Variants in ZNF609 observed in about 807,000 individuals in gnomAD.
The protein encoded by ZNF609 is zinc finger protein 609.
A neutral mutation model predicts 109.5 loss-of-function variants in ZNF609; 11 were observed. The observed-to-expected ratio is 0.10, with a 90% CI of 0.06 to 0.17. ZNF609 has a LOEUF of 0.17. Among genes scored for constraint, ZNF609 ranks in the 10% least tolerant of loss-of-function variants. The pLI is 1.00. For synonymous variants in ZNF609, 646 were observed against 662.0 expected, an observed-to-expected ratio of 0.98 and a Z score of 0.37; for missense variants, 1,559 against 1,772.4, an observed-to-expected ratio of 0.88 and a Z score of 2.16.
At chr15:64,498,976 G>T (rs1424364654) in intron 1 of ZNF609, among the ~76,000 whole-genome samples, 1 of 152,120 alleles carries the variant, frequency 6.6e-6, no homozygotes, top group Non-Finnish European at 1.5e-5. Flanking sequence ...ATTGAGGAAG[G>T]GTTGCCAGCT....
chr15:64,623,142 G>A (rs1471423297), intron 3 of ZNF609, 90 bp downstream of exon 3: 4 of 1,307,436 alleles, frequency 3.1e-6, no homozygotes, highest in Non-Finnish European at 4.3e-6. Flanking sequence ...ATTACCAAGT[G>A]GTTATTAGAG....
At chr15:64,560,864 A>G (rs2140403092) in intron 2 of ZNF609, among the ~76,000 whole-genome samples, 1 of 152,350 alleles carries the variant, frequency 6.6e-6, no homozygotes, top group Middle Eastern at 3.4e-3. Context: ...GCTTTATACG[A>G]ACCTGTGAAC....
In ZNF609 at chr15:64,680,660, T is replaced by A; in HGVS notation, c.3960T>A (p.Thr1320=). 6.3e-7 allele frequency: 1 copy of A among 1,583,416 alleles called. No individual in the cohort carries two copies. Among genetic ancestry groups the A allele is most frequent in the Non-Finnish European group, 8.6e-7 (1 of 1,160,676 alleles). The stretch of plus-strand genomic sequence containing the variant: ...TTCCTTTCCAGATAAGTGATAAAAC[T>A]TCTCAGGAGAGAGATCGAGGAGGCT... ...KSKSPTISDK[T]SQERDRGGCG... is the part of the protein sequence containing the mutation. Residue 1320 remains threonine, a synonymous_variant, in exon 8 of 10, where the codon ACT becomes ACA. Coordinates refer to ENST00000326648, the MANE Select transcript of ZNF609 (RefSeq NM_015042.2).
At position 64,499,895 on chromosome 15, in the gene ZNF609, A is replaced by G. The variant is rs1352809774; in HGVS notation, c.476A>G (p.Glu159Gly). 2 of 1,613,950 alleles carry G rather than the reference A, an allele frequency of 1.2e-6. No homozygotes were observed. Among genetic ancestry groups the G allele is most frequent in the Non-Finnish European group, 1.7e-6 (2 of 1,180,008 alleles). Residue 159 changes from glutamate (E) to glycine (G), a missense_variant, in exon 2 of 10, where the codon GAG becomes GGG. Physicochemically the swap from Glu to Gly is moderately conservative, Grantham distance 98. This residue lies in a region of ZNF609 where 291 missense variants were observed against 317.8 expected (regional missense o/e 0.92). Transcript: ENST00000326648. ...CGCAGTGTAGCCGGTTCCAAAAAGG[A>G]GAAGGAGAACAGCTCATCTAAGAGC... is the stretch of plus-strand genomic sequence containing the variant. ...ASRSVAGSKKEKENSSSKSKK... is the reference protein window; with the variant it reads ...ASRSVAGSKKGKENSSSKSKK...
At chr15:64,537,051 CG>C (rs2140376749) in intron 2 of ZNF609, among the ~76,000 whole-genome samples, 1 of 151,744 alleles carries the variant, frequency 6.6e-6, no homozygotes, top group South Asian at 2.1e-4. Flanking sequence ...GGCGAAACCC[CG>C]TCTCTACTAA....
At chr15:64,489,726 C>T (rs1363699862) in intron 1 of ZNF609, among the ~76,000 whole-genome samples, 1 of 151,546 alleles carries the variant, frequency 6.6e-6, no homozygotes, top group Non-Finnish European at 1.5e-5. Flanking sequence ...GACAGTTTCC[C>T]CATGTTGGCT....
chr15:64,553,110 GTCTA>G (rs1282690869), intron 2 of ZNF609, among the ~76,000 whole-genome samples: 1 of 152,068 alleles, frequency 6.6e-6, no homozygotes, highest in Admixed American at 6.6e-5. Context: ...TCTCTGATTT[GTCTA>G]TCTTAGTTGG....
rs746999020 is a variant in ZNF609 at position 64,517,787 on chromosome 15, ATAT to A, written c.747+17635_747+17637del. On this transcript the variant is annotated intron_variant, in intron 2 of 9. Transcript: ENST00000326648. Reference sequence around the variant, plus strand: ...ATATATAAATAAAAATTATACATATATATTATTATTATTATTTTTAGACACTCT... The same window carrying A: ...ATATATAAATAAAAATTATACATATATATTATTATTATTTTTAGACACTCT... Among the ~76,000 whole-genome samples, 172 of 151,038 alleles carry A rather than the reference ATAT, an allele frequency of 1.1e-3. 1 individual carries two copies. The highest frequency in any genetic ancestry group is 3.0e-3 in the African/African-American group (122 of 41,274).
chr15:64,656,908 C>T (rs1362899177), intron 3 of ZNF609, among the ~76,000 whole-genome samples: 2 of 152,114 alleles, frequency 1.3e-5, no homozygotes, highest in African/African-American at 2.4e-5. Context: ...CATTCAGTAG[C>T]CATATCTCTA....
chr15:64,472,611 T>C (rs941207105), intron 1 of ZNF609, among the ~76,000 whole-genome samples: 1 of 152,130 alleles, frequency 6.6e-6, no homozygotes, highest in African/African-American at 2.4e-5. Flanking sequence ...TTCCTTGTAA[T>C]CCCAACACTT....
intron 2 of ZNF609, among the ~76,000 whole-genome samples, chr15:64,557,631 T>A (rs529465252): frequency 2.0e-3 from 299 of 152,214 alleles, no homozygotes; most frequent in Non-Finnish European, 2.9e-3. Flanking sequence ...TTGATCAGGG[T>A]AGTGTCATGA....
At chr15:64,531,076 C>G (rs972355736) in intron 2 of ZNF609, among the ~76,000 whole-genome samples, 2 of 152,116 alleles carry the variant, frequency 1.3e-5, no homozygotes, top group African/African-American at 4.8e-5. Flanking sequence ...GCATTTAATA[C>G]CTATAGCTCT....
chr15:64,612,443 C>T (rs1895732720), intron 2 of ZNF609, among the ~76,000 whole-genome samples: 1 of 152,046 alleles, frequency 6.6e-6, no homozygotes, highest in Non-Finnish European at 1.5e-5. Context: ...GCCACTGTGC[C>T]CGGCCTATAT....
intron 3 of ZNF609, among the ~76,000 whole-genome samples, chr15:64,659,911 T>C (rs981531065): frequency 3.6e-4 from 55 of 151,702 alleles, no homozygotes; most frequent in Non-Finnish European, 6.3e-4. Flanking sequence ...CTTGGCTCAC[T>C]GCAACCTCTG....
In ZNF609 at chr15:64,635,201, T is replaced by C. The variant is rs531983606; in HGVS notation, c.973+12149T>C. Among the ~76,000 whole-genome samples the C allele has an allele frequency of 2.7e-5, 4 of 150,930 alleles. 1 individual carries two copies. The highest frequency in any genetic ancestry group is 5.9e-5 in the Non-Finnish European group (4 of 68,030). Reference sequence around the variant, plus strand: ...GTGACTAGGCTGTGAGCTTGCCAGATAGGTAAGGTTGTTTGCAAATGAGAT... The same window carrying C: ...GTGACTAGGCTGTGAGCTTGCCAGACAGGTAAGGTTGTTTGCAAATGAGAT... On this transcript the variant is annotated intron_variant, in intron 3 of 9. Coordinates refer to ENST00000326648, the MANE Select transcript of ZNF609 (RefSeq NM_015042.2).
At chr15:64,595,258 G>A (rs187415923) in intron 2 of ZNF609, among the ~76,000 whole-genome samples, 1 of 151,896 alleles carries the variant, frequency 6.6e-6, no homozygotes, top group African/African-American at 2.4e-5. Context: ...CTACTTGGGA[G>A]GCTGAGGCAG....
chr15:64,511,519 A>T (rs1466006275), intron 2 of ZNF609, among the ~76,000 whole-genome samples: 1 of 151,200 alleles, frequency 6.6e-6, no homozygotes, highest in Non-Finnish European at 1.5e-5. Context: ...TATAGTCGTC[A>T]TACTTAGACC....
chr15:64,625,936 T>TATAGAGAG (rs1307358546), intron 3 of ZNF609, among the ~76,000 whole-genome samples: 6 of 79,582 alleles, frequency 7.5e-5, no homozygotes, highest in African/African-American at 3.9e-4. Context: ...TATATATATA[T>TATAGAGAG]AGAGAGAGAG....
At chr15:64,500,666 C>T (rs1441393146) in intron 2 of ZNF609, 12 of 514,882 alleles carry the variant, frequency 2.3e-5, no homozygotes, top group South Asian at 1.6e-4. Context: ...GGCATATCTA[C>T]GAAGTGTTCT....
Sources: allele counts gnomAD v4.1 joint callset (sites outside exome capture counted in the v4.1 genomes callset), GRCh38; gene constraint gnomAD v4.1.1; regional missense constraint gnomAD v4.1.1; transcripts MANE v1.5; gene names NCBI Gene and HGNC (gene_info 2026-07-23, HGNC 2026-07-21).